HSD17B4: variants seen among roughly 807,000 people sequenced by gnomAD.
HSD17B4 encodes the protein peroxisomal multifunctional enzyme type 2.
HSD17B4 carries 70 observed loss-of-function variants against 101.0 expected under a neutral mutation model. That is an observed-to-expected ratio of 0.69 (90% CI 0.57 to 0.85). HSD17B4 has a LOEUF of 0.85. HSD17B4 is among the 40% of genes least tolerant of loss of function. The pLI, the probability that HSD17B4 is intolerant of heterozygous loss-of-function variation, is 0.00. For synonymous variants in HSD17B4, 347 were observed against 297.1 expected, an observed-to-expected ratio of 1.17 and a Z score of -1.73; for missense variants, 984 against 892.4, an observed-to-expected ratio of 1.10 and a Z score of -1.31.
chr5:119,537,911 C>T (rs1242273019), intron 23 of HSD17B4, among the ~76,000 whole-genome samples: 1 of 152,088 alleles, frequency 6.6e-6, no homozygotes, highest in African/African-American at 2.4e-5. Context: ...GTTTAAAATA[C>T]CTTCTGGGGT....
chr5:119,461,156 T>G (rs2126632327), intron 2 of HSD17B4, among the ~76,000 whole-genome samples: 1 of 152,314 alleles, frequency 6.6e-6, no homozygotes, highest in East Asian at 1.9e-4. Context: ...GATGCTCAGA[T>G]ATGAACTTTA....
intron 20 of HSD17B4, among the ~76,000 whole-genome samples, chr5:119,527,871 A>G (rs982800308): frequency 1.3e-5 from 2 of 152,148 alleles, no homozygotes; most frequent in Non-Finnish European, 1.5e-5. Flanking sequence ...GGCCTAACAA[A>G]TAGTAAATGA....
At chr5:119,469,507 C>T (rs1212150101) in intron 2 of HSD17B4, among the ~76,000 whole-genome samples, 1 of 152,094 alleles carries the variant, frequency 6.6e-6, no homozygotes, top group Non-Finnish European at 1.5e-5. Context: ...GTGTCCACCA[C>T]CACGCCTGGC....
At chr5:119,527,245 C>T (rs776919831) in intron 20 of HSD17B4, 26 bp downstream of exon 20, 11 of 1,246,456 alleles carry the variant, frequency 8.8e-6, no homozygotes, top group African/African-American at 3.0e-5. Flanking sequence ...TTTCACCCTT[C>T]TCACATGCTT....
chr5:119,513,792 C>G (rs1752376436), intron 16 of HSD17B4, among the ~76,000 whole-genome samples: 1 of 152,212 alleles, frequency 6.6e-6, no homozygotes, highest in Non-Finnish European at 1.5e-5. Flanking sequence ...TGGTGAAGCC[C>G]TGTGCCATAA....
At chr5:119,488,701 C>G (rs1460544150) in intron 8 of HSD17B4, among the ~76,000 whole-genome samples, 2 of 152,144 alleles carry the variant, frequency 1.3e-5, no homozygotes, top group Admixed American at 1.3e-4. Context: ...CCAGTGATGT[C>G]TTCAAGGTCT....
At position 119,527,172 on chromosome 5, in the gene HSD17B4, C is replaced by T; in HGVS notation, c.1720C>T (p.Gln574Ter). The change falls in exon 20 of 24, where the codon CAA (glutamine) becomes TAA (stop). Residue 574 changes from glutamine to a stop codon, truncating the protein, a stop_gained. Coordinates refer to ENST00000510025, the MANE Select transcript of HSD17B4 (RefSeq NM_000414.4). LOFTEE classifies it high-confidence loss of function. ...AKPVYPGQTL[Q>*]TEMWKEGNRI... ...ACCAGTATATCCAGGACAAACTCTA[C>T]AAACTGAGATGTGGAAGGAAGGAAA... 6.2e-7 allele frequency: 1 copy of T among 1,610,260 alleles called. No homozygotes were observed. The highest frequency in any genetic ancestry group is 8.5e-7 in the Non-Finnish European group (1 of 1,176,988).
chr5:119,505,665 C>G (rs1751577643), intron 14 of HSD17B4, among the ~76,000 whole-genome samples: 1 of 151,794 alleles, frequency 6.6e-6, no homozygotes, highest in South Asian at 2.1e-4. Flanking sequence ...TTAGTGTTCT[C>G]TAGGTATAGA....
At chr5:119,503,002 A>T (rs1404332223) in intron 14 of HSD17B4, among the ~76,000 whole-genome samples, 1 of 152,006 alleles carries the variant, frequency 6.6e-6, no homozygotes, top group African/African-American at 2.4e-5. Flanking sequence ...TGTATATCAA[A>T]ATCACCCGAG....
chr5:119,478,798 G>A, intron 7 of HSD17B4, 36 bp from the exon 8 acceptor site: 2 of 1,556,984 alleles, frequency 1.3e-6, no homozygotes, highest in Non-Finnish European at 1.8e-6. Flanking sequence ...TCAAATTATG[G>A]AAAAGATGAT....
rs112437895 is a variant in HSD17B4, at chr5:119,464,164, T to C, written c.112+7796T>C. Among the ~76,000 whole-genome samples the C allele has an allele frequency of 9.3e-4, 142 of 152,300 alleles. 2 individuals are homozygous for C. Among genetic ancestry groups the C allele is most frequent in the Middle Eastern group, 3.4e-3 (1 of 294 alleles). On this transcript the variant is annotated intron_variant, in intron 2 of 23. Coordinates refer to ENST00000510025, the MANE Select transcript of HSD17B4 (RefSeq NM_000414.4). ...TTGTCTCTTCACTGTTGATTGTTTT[T>C]TTGCTGTGCAGAAGCTTTTTAGTTT...
At chr5:119,517,224 G>C (rs913965470) in intron 17 of HSD17B4, among the ~76,000 whole-genome samples, 2 of 152,210 alleles carry the variant, frequency 1.3e-5, no homozygotes, top group Non-Finnish European at 2.9e-5. Context: ...TGCTGGCCCC[G>C]GGCAATGAGG....
intron 2 of HSD17B4, among the ~76,000 whole-genome samples, chr5:119,464,430 T>C (rs1218914996): frequency 6.6e-6 from 1 of 152,176 alleles, no homozygotes; most frequent in African/African-American, 2.4e-5. Context: ...CCCAGCACCA[T>C]TTATTGAAGA....
Position 119,493,935 on chromosome 5 carries a change from A to G in HSD17B4, c.857A>G (p.Gln286Arg), listed in dbSNP as rs1023709508. ...GACTTTGAGAATGCCAGCAAGCCTC[A>G]GAGTATCCAAGGTAAAGAGAGTCCC... The part of the protein sequence containing the change: ...ICDFENASKP[Q>R]SIQESTGSII... Residue 286 changes from glutamine to arginine, a missense_variant, in exon 11 of 24, where the codon CAG (glutamine) becomes CGG (arginine). Gln to Arg is a conservative substitution (Grantham distance 43). Coordinates refer to ENST00000510025, the MANE Select transcript of HSD17B4 (RefSeq NM_000414.4). The G allele has an allele frequency of 1.2e-6, 2 of 1,613,070 alleles. No homozygotes were observed. The highest frequency in any genetic ancestry group is 8.5e-7 in the Non-Finnish European group (1 of 1,179,376).
At chr5:119,536,137 G>A (rs1431187658) in intron 22 of HSD17B4, 3 of 381,972 alleles carry the variant, frequency 7.9e-6, no homozygotes, top group African/African-American at 2.1e-5. Context: ...TGATCTTATA[G>A]GTGTCTATAA....
Position 119,507,639 on chromosome 5 carries a change from C to T in HSD17B4, c.1333+750C>T, listed in dbSNP as rs371425163. On this transcript the variant is annotated intron_variant, in intron 15 of 23. Transcript: ENST00000510025. Reference sequence around the variant, plus strand: ...TCTACTTAAAATACAAAAAAAAAAGCCGGGCATGGTGGCGGGCGCCTGTAG... The same window carrying T: ...TCTACTTAAAATACAAAAAAAAAAGTCGGGCATGGTGGCGGGCGCCTGTAG... Among the ~76,000 whole-genome samples the T allele has an allele frequency of 1.8e-4, 28 of 151,644 alleles. No individual in the cohort carries two copies. In the East Asian group the frequency reaches 5.0e-3, roughly 27 times the overall value.
chr5:119,470,725 C>T (rs257973), intron 2 of HSD17B4, among the ~76,000 whole-genome samples: 55,194 of 152,142 alleles, frequency 0.36, 12,364 homozygotes, highest in East Asian at 0.5. Flanking sequence ...CTTAGACATT[C>T]TACCTGAAGT....
At chr5:119,472,940 C>G (rs1390168810) in intron 2 of HSD17B4, among the ~76,000 whole-genome samples, 1 of 152,192 alleles carries the variant, frequency 6.6e-6, no homozygotes, top group African/African-American at 2.4e-5. Context: ...TTCATATTAT[C>G]ACATATTGCA....
chr5:119,459,256 C>G (rs556954701), intron 2 of HSD17B4, among the ~76,000 whole-genome samples: 1 of 152,154 alleles, frequency 6.6e-6, no homozygotes, highest in African/African-American at 2.4e-5. Context: ...AATTATATGA[C>G]CTCTCTGTTT....
Sources: gnomAD v4.1 joint callset for allele counts (sites outside exome capture counted in the v4.1 genomes callset) on GRCh38, gnomAD v4.1.1 for gene constraint, MANE v1.5 for transcripts, NCBI Gene and HGNC (gene_info 2026-07-23, HGNC 2026-07-21) for gene names.